Variants in ANO3 observed in about 807,000 individuals in gnomAD.
ANO3 encodes anoctamin 3, also known as anoctamin-3.
ANO3 carries 99 observed loss-of-function variants against 144.8 expected under a neutral mutation model. The ratio of observed to expected loss-of-function variants is 0.68; its 90% CI spans 0.58 to 0.81. ANO3 has a LOEUF of 0.81. ANO3 is among the 30% of genes least tolerant of loss of function. ANO3 has a pLI of 0.00. For missense variants in ANO3, 905 were observed against 1,202.2 expected (o/e 0.75, Z 3.66); for synonymous variants, 414 against 392.6 (o/e 1.05, Z -0.64).
intron 3 of ANO3, among the ~76,000 whole-genome samples, chr11:26,458,356 CT>C (rs2134050641): frequency 6.6e-6 from 1 of 152,184 alleles, no homozygotes; most frequent in South Asian, 2.1e-4. Context: ...CTCTAAAAAG[CT>C]TTGTAAATTC....
chr11:26,296,331 A>T (rs1010045573), intron 1 of ANO3, among the ~76,000 whole-genome samples: 4 of 152,186 alleles, frequency 2.6e-5, no homozygotes, highest in East Asian at 1.9e-4. Flanking sequence ...CAAAACATCT[A>T]CAAGAGATGC....
chr11:26,489,316 A>G (rs72889164), intron 4 of ANO3, among the ~76,000 whole-genome samples: 2,936 of 152,304 alleles, frequency 0.019, 36 homozygotes, highest in Non-Finnish European at 0.028. Context: ...AGAAGAATTG[A>G]GGTTTGGGAA....
chr11:26,432,156 CA>C (rs1438580000), intron 1 of ANO3, among the ~76,000 whole-genome samples: 1 of 152,006 alleles, frequency 6.6e-6, no homozygotes, highest in Non-Finnish European at 1.5e-5. Context: ...CTCTAATGAT[CA>C]GTGGTATTGA....
At chr11:26,350,270 AGTAGTGTGG>A in intron 1 of ANO3, among the ~76,000 whole-genome samples, 1 of 152,116 alleles carries the variant, frequency 6.6e-6, no homozygotes, top group Non-Finnish European at 1.5e-5. Context: ...CATCAGCACG[AGTAGTGTGG>A]TGGGCCCCGC....
intron 1 of ANO3, among the ~76,000 whole-genome samples, chr11:26,239,216 A>C (rs1226495086): frequency 6.6e-6 from 1 of 152,116 alleles, no homozygotes; most frequent in South Asian, 2.1e-4. Flanking sequence ...AGGCAGAAAA[A>C]TAATACTCCA....
intron 1 of ANO3, among the ~76,000 whole-genome samples, chr11:26,353,790 G>C (rs746836050): frequency 2.6e-5 from 4 of 151,950 alleles, no homozygotes; most frequent in Non-Finnish European, 4.4e-5. Flanking sequence ...GGATGATCTC[G>C]ATCTCCTGAC....
chr11:26,247,069 GTTTA>G (rs966293279), intron 1 of ANO3, among the ~76,000 whole-genome samples: 5 of 152,016 alleles, frequency 3.3e-5, no homozygotes, highest in Non-Finnish European at 7.4e-5. Context: ...AATGTTTTAA[GTTTA>G]TTTAAAACAG....
At chr11:26,605,899 T>A (rs1209145422) in intron 17 of ANO3, among the ~76,000 whole-genome samples, 1 of 152,146 alleles carries the variant, frequency 6.6e-6, no homozygotes, top group Non-Finnish European at 1.5e-5. Context: ...CCTGGATTCA[T>A]TCATTTTTTT....
chr11:26,635,090 T>C lies in ANO3; in HGVS notation c.2043+20T>C, dbSNP rs748128813. ...GAGGAAGTAAGTAACTTTGGGAGTG[T>C]GGGTGCAGGAATGGGCATGGATATG... On this transcript the variant is annotated intron_variant, in intron 20 of 26. Coordinates refer to ENST00000256737, the MANE Select transcript of ANO3 (RefSeq NM_031418.4). 6.2e-7 allele frequency: 1 copy of C among 1,611,296 alleles called. No individual in the cohort carries two copies. The highest frequency in any genetic ancestry group is 1.7e-5 in the Admixed American group (1 of 59,994).
chr11:26,642,122 T>G, intron 22 of ANO3, 93 bp downstream of exon 22: 1 of 1,415,060 alleles, frequency 7.1e-7, no homozygotes, highest in Non-Finnish European at 9.6e-7. Flanking sequence ...AATTATCTCT[T>G]TCCTTTCCAA....
chr11:26,395,401 C>T (rs1294824756), intron 1 of ANO3, among the ~76,000 whole-genome samples: 1 of 152,072 alleles, frequency 6.6e-6, no homozygotes, highest in Non-Finnish European at 1.5e-5. Context: ...GATTCTTCCT[C>T]TCCTTGAGCA....
At chr11:26,212,450 A>C (rs189990954) in intron 1 of ANO3, among the ~76,000 whole-genome samples, 18 of 152,012 alleles carry the variant, frequency 1.2e-4, no homozygotes, top group Admixed American at 2.6e-4. Flanking sequence ...GATAAAGGGG[A>C]TATCACCACT....
chr11:26,349,358 C>A (rs551124460), intron 1 of ANO3, among the ~76,000 whole-genome samples: 1 of 152,162 alleles, frequency 6.6e-6, no homozygotes, highest in East Asian at 1.9e-4. Context: ...TAAACTTGTG[C>A]AAATGTTTAC....
At chr11:26,340,639 TGCAC>T (rs147258665) in intron 1 of ANO3, among the ~76,000 whole-genome samples, 11,024 of 152,276 alleles carry the variant, frequency 0.072, 527 homozygotes, top group South Asian at 0.15. Flanking sequence ...TATAACTATG[TGCAC>T]ATTAGAGAAT....
intron 1 of ANO3, among the ~76,000 whole-genome samples, chr11:26,321,196 C>A (rs1020149542): frequency 1.3e-5 from 2 of 152,018 alleles, no homozygotes; most frequent in Non-Finnish European, 2.9e-5. Flanking sequence ...TTCCCTCCTA[C>A]TTGATCCCTC....
chr11:26,311,943 G>A lies in ANO3; in HGVS notation c.-3+2224G>A, dbSNP rs1449518852. 7.9e-5 allele frequency among the ~76,000 whole-genome samples: 12 copies of A among 152,190 alleles called. No homozygotes were observed. In the East Asian group the frequency reaches 1.2e-3, roughly 15 times the overall value. The stretch of plus-strand genomic sequence containing the variant: ...TATACATGTGCCACGTTGGTGTGCT[G>A]CACCCATTAACTGGTCATTTACATT... On this transcript the variant is annotated intron_variant, in intron 1 of 26. Coordinates refer to the ANO3 transcript ENST00000525139.
chr11:26,254,975 A>C (rs1364969762), intron 1 of ANO3, among the ~76,000 whole-genome samples: 1 of 152,148 alleles, frequency 6.6e-6, no homozygotes, highest in East Asian at 1.9e-4. Flanking sequence ...AAGTTGCTGA[A>C]ATTGAGTGAC....
intron 4 of ANO3, among the ~76,000 whole-genome samples, chr11:26,507,075 A>G (rs755741932): frequency 6.6e-6 from 1 of 152,238 alleles, no homozygotes. Flanking sequence ...GGTAGATAAT[A>G]GTTATGAACA....
intron 14 of ANO3, among the ~76,000 whole-genome samples, chr11:26,593,866 T>A (rs750522725): frequency 6.6e-6 from 1 of 152,156 alleles, no homozygotes; most frequent in Non-Finnish European, 1.5e-5. Flanking sequence ...TTTTATCCTG[T>A]TCGTCCCGTT....
Sources: gnomAD v4.1 joint callset for allele counts (sites outside exome capture counted in the v4.1 genomes callset) on GRCh38, gnomAD v4.1.1 for gene constraint, MANE v1.5 for transcripts, NCBI Gene and HGNC (gene_info 2026-07-23, HGNC 2026-07-21) for gene names.